Variants in STK33 observed in about 807,000 individuals in gnomAD.
The protein encoded by STK33 is serine/threonine kinase 33.
Under a neutral mutation model 58.0 loss-of-function variants are expected in STK33, and 52 were observed. The ratio of observed to expected loss-of-function variants is 0.90; its 90% CI spans 0.72 to 1.13. The LOEUF is 1.13. Among genes scored for constraint, STK33 ranks in the 50% most tolerant of loss-of-function variants. STK33 has a pLI of 0.00. For missense variants in STK33, 630 were observed against 604.2 expected (o/e 1.04, Z -0.45); for synonymous variants, 215 against 200.1 (o/e 1.07, Z -0.63).
At chr11:8,591,341 A>T (rs1389003740) in intron 1 of STK33, among the ~76,000 whole-genome samples, 3 of 152,222 alleles carry the variant, frequency 2.0e-5, no homozygotes, top group Non-Finnish European at 4.4e-5. Flanking sequence ...TTACAAAATA[A>T]CATTTTTAAA....
the STK33 span, among the ~76,000 whole-genome samples, chr11:8,363,818 A>G: frequency 6.6e-6 from 1 of 152,196 alleles, no homozygotes. Context: ...CAATAGTAAA[A>G]CTAATACTCA....
intron 1 of STK33, among the ~76,000 whole-genome samples, chr11:8,497,531 A>T (rs1951158082): frequency 6.6e-6 from 1 of 152,178 alleles, no homozygotes. Context: ...GTGTAGTAGC[A>T]TGATCACAGC....
intron 1 of STK33, among the ~76,000 whole-genome samples, chr11:8,570,309 T>C (rs1175250691): frequency 6.6e-6 from 1 of 152,206 alleles, no homozygotes; most frequent in Non-Finnish European, 1.5e-5. Flanking sequence ...AGAACCCTCA[T>C]TTGTTGATGG....
intron 14 of STK33, among the ~76,000 whole-genome samples, chr11:8,418,423 T>C (rs777406446): frequency 6.6e-6 from 1 of 152,204 alleles, no homozygotes; most frequent in Non-Finnish European, 1.5e-5. Context: ...CATGATCTTA[T>C]TCTTTTTTAT....
intron 15 of STK33, among the ~76,000 whole-genome samples, chr11:8,409,014 C>T (rs747234495): frequency 6.6e-6 from 1 of 152,338 alleles, no homozygotes; most frequent in Non-Finnish European, 1.5e-5. Context: ...AGGTATTCAG[C>T]ATAAACCATA....
chr11:8,481,808 T>C (rs1279085612), intron 1 of STK33, among the ~76,000 whole-genome samples: 1 of 152,196 alleles, frequency 6.6e-6, no homozygotes, highest in Non-Finnish European at 1.5e-5. Flanking sequence ...TATAAACACA[T>C]AAGTATTTAT....
chr11:8,450,243 C>T (rs1946106248), intron 11 of STK33, among the ~76,000 whole-genome samples: 1 of 152,158 alleles, frequency 6.6e-6, no homozygotes, highest in East Asian at 1.9e-4. Context: ...AGGATGAGTT[C>T]ATGTCCTTTG....
At chr11:8,577,438 T>C (rs1317324127) in intron 1 of STK33, among the ~76,000 whole-genome samples, 1 of 152,150 alleles carries the variant, frequency 6.6e-6, no homozygotes, top group Non-Finnish European at 1.5e-5. Context: ...TTTCATACAC[T>C]TTGCTTATTA....
chr11:8,417,015 G>A (rs1941233739), intron 14 of STK33, among the ~76,000 whole-genome samples: 1 of 152,116 alleles, frequency 6.6e-6, no homozygotes, highest in Non-Finnish European at 1.5e-5. Flanking sequence ...TGTATCATGA[G>A]CCTTCTAGTT....
chr11:8,583,338 C>G (rs764811176), intron 1 of STK33, among the ~76,000 whole-genome samples: 1 of 151,568 alleles, frequency 6.6e-6, no homozygotes, highest in Non-Finnish European at 1.5e-5. Context: ...AATATTTCTA[C>G]TAAAAAAAAA....
intron 11 of STK33, among the ~76,000 whole-genome samples, chr11:8,442,996 A>T (rs1944964138): frequency 6.6e-6 from 1 of 152,238 alleles, no homozygotes; most frequent in Non-Finnish European, 1.5e-5. Context: ...TTCTGGGGTG[A>T]CAGAAATGTT....
At chr11:8,493,992 T>C (rs1209247077) in intron 1 of STK33, among the ~76,000 whole-genome samples, 1 of 152,168 alleles carries the variant, frequency 6.6e-6, no homozygotes. Context: ...GCCACTATCA[T>C]ACTGAATGGG....
At chr11:8,356,513 A>G in the STK33 span, among the ~76,000 whole-genome samples, 2 of 151,182 alleles carry the variant, frequency 1.3e-5, no homozygotes, top group Non-Finnish European at 3.0e-5. Context: ...GATGTCAGAC[A>G]GGGAGGTTTA....
chr11:8,435,502 A>T lies in STK33; in HGVS notation c.1138T>A (p.Trp380Arg). The change falls in exon 14 of 16, where the codon TGG becomes AGG. Residue 380 changes from tryptophan to arginine, a missense_variant. By Grantham distance (101) the Trp-to-Arg change is moderately radical. Coordinates refer to ENST00000687296, the MANE Select transcript of STK33 (RefSeq NM_001352389.2). ...ITAKELLDNQ[W>R]LTGNKLSSVR... Reference sequence around the variant, plus strand: ...GTAATATTGTAACTTACTGTTAACCACTGGTTATCTAGTAGTTCCTTAGCT... The same window carrying T: ...GTAATATTGTAACTTACTGTTAACCTCTGGTTATCTAGTAGTTCCTTAGCT... 6.9e-7 allele frequency: 1 copy of T among 1,455,466 alleles called. No individual in the cohort carries two copies. Among genetic ancestry groups the T allele is most frequent in the Non-Finnish European group, 9.2e-7 (1 of 1,088,798 alleles). The allele number at this position is 1,455,466 out of a possible 1,614,324, so 90.2% of individuals were successfully genotyped here. A position where few individuals can be genotyped will look rare whatever the true frequency, so the allele number is the denominator to read the frequency against.
At chr11:8,355,363 C>T in the STK33 span, among the ~76,000 whole-genome samples, 43 of 152,360 alleles carry the variant, frequency 2.8e-4, no homozygotes, top group East Asian at 7.3e-3. Context: ...GGAATCAAAT[C>T]TGTCATTTCA....
At chr11:8,538,882 C>T (rs1292835442) in intron 1 of STK33, among the ~76,000 whole-genome samples, 2 of 152,118 alleles carry the variant, frequency 1.3e-5, no homozygotes, top group Non-Finnish European at 2.9e-5. Context: ...GTCAAGGGTC[C>T]GGAACTCGCT....
In STK33 at chr11:8,557,254, G is replaced by T. The variant is rs1453989252; in HGVS notation, c.-466+36829C>A. Among the ~76,000 whole-genome samples the T allele has an allele frequency of 6.1e-5, 3 of 48,896 alleles. 1 individual carries two copies. Among genetic ancestry groups the T allele is most frequent in the African/African-American group, 3.2e-4 (3 of 9,520 alleles). The allele number at this position is 48,896 out of a possible 152,430, so 32.1% of individuals were successfully genotyped here. On this transcript the variant is annotated intron_variant, in intron 1 of 15. Coordinates refer to ENST00000687296, the MANE Select transcript of STK33 (RefSeq NM_001352389.2). ...CAACAGAGGGGGACCTTGTGGGGAAGGGAAGGGGAGGGGAGGGGAGGGGAG... is the reference window on the plus strand; with the variant it reads ...CAACAGAGGGGGACCTTGTGGGGAATGGAAGGGGAGGGGAGGGGAGGGGAG...
chr11:8,379,395 T>C, the STK33 span, among the ~76,000 whole-genome samples: 4 of 152,084 alleles, frequency 2.6e-5, no homozygotes, highest in Admixed American at 6.6e-5. Context: ...AAACTATGCA[T>C]CAAACGAAGA....
At position 8,472,574 on chromosome 11, in the gene STK33, G is replaced by A. The variant is rs369266532; in HGVS notation, c.339+589C>T. ...CCATCTTATATGGGTGCAATTTGTG[G>A]TGCCCCAAAGCAATTTAAATGGTAA... is the stretch of plus-strand genomic sequence containing the variant. On this transcript the variant is annotated intron_variant, in intron 6 of 15. Coordinates refer to ENST00000687296, the MANE Select transcript of STK33 (RefSeq NM_001352389.2). Among the ~76,000 whole-genome samples, 296 of 152,238 alleles carry A rather than the reference G, an allele frequency of 1.9e-3. 2 individuals carry two copies. The highest frequency in any genetic ancestry group is 6.7e-3 in the African/African-American group (280 of 41,526).
Sources: gnomAD v4.1 joint callset for allele counts (sites outside exome capture counted in the v4.1 genomes callset) on GRCh38, gnomAD v4.1.1 for gene constraint, MANE v1.5 for transcripts, NCBI Gene and HGNC (gene_info 2026-07-23, HGNC 2026-07-21) for gene names.